Variants in PRKCI observed in about 807,000 individuals in gnomAD.
PRKCI encodes the protein protein kinase C iota type.
In PRKCI, 43 loss-of-function variants were observed where a neutral mutation model predicts 84.0. The observed-to-expected ratio is 0.51, with a 90% CI of 0.40 to 0.66. The LOEUF (loss-of-function observed/expected upper bound fraction) is 0.66. Ranked by LOEUF, PRKCI falls within the 30% of genes least tolerant of loss-of-function variation. PRKCI has a pLI of 0.00. For synonymous variants in PRKCI, 216 were observed against 234.4 expected (o/e 0.92, Z 0.72); for missense variants, 459 against 745.6 (o/e 0.62, Z 4.48).
intron 2 of PRKCI, among the ~76,000 whole-genome samples, chr3:170,237,816 A>T (rs181210560): frequency 3.7e-4 from 56 of 152,348 alleles, no homozygotes; most frequent in Admixed American, 3.2e-3. Flanking sequence ...TATGAAATGT[A>T]AAAAGAAGCC....
At chr3:170,230,940 T>G (rs1440239982) in intron 1 of PRKCI, among the ~76,000 whole-genome samples, 1 of 151,656 alleles carries the variant, frequency 6.6e-6, no homozygotes, top group Non-Finnish European at 1.5e-5. Flanking sequence ...ATGGCTTGAT[T>G]CATTATTTAA....
intron 15 of PRKCI, among the ~76,000 whole-genome samples, chr3:170,296,982 T>C (rs1469902379): frequency 6.6e-6 from 1 of 152,178 alleles, no homozygotes; most frequent in Non-Finnish European, 1.5e-5. Flanking sequence ...ATGTTTTGAC[T>C]CTCACACTAG....
chr3:170,239,888 T>C (rs1029232967), intron 2 of PRKCI, among the ~76,000 whole-genome samples: 18 of 152,226 alleles, frequency 1.2e-4, no homozygotes, highest in African/African-American at 4.1e-4. Context: ...TGGCTCATGC[T>C]TGTAATCCCA....
chr3:170,285,358 C>A (rs999631828), intron 12 of PRKCI, among the ~76,000 whole-genome samples: 9 of 152,102 alleles, frequency 5.9e-5, no homozygotes, highest in Non-Finnish European at 7.4e-5. Flanking sequence ...GGATTACAGG[C>A]GTGAGCCATC....
intron 4 of PRKCI, among the ~76,000 whole-genome samples, chr3:170,267,427 A>T (rs1031306288): frequency 9.9e-5 from 15 of 152,064 alleles, no homozygotes; most frequent in Non-Finnish European, 1.9e-4. Context: ...TAATCCCAGC[A>T]CTATGGGAGG....
At chr3:170,263,168 C>T (rs1244161340) in intron 3 of PRKCI, among the ~76,000 whole-genome samples, 1 of 142,598 alleles carries the variant, frequency 7.0e-6, no homozygotes, top group Non-Finnish European at 1.5e-5. Context: ...AACTCTGTCT[C>T]AAAAAAAAAA....
At chr3:170,278,335 T>C (rs563866152) in intron 8 of PRKCI, among the ~76,000 whole-genome samples, 34 of 152,312 alleles carry the variant, frequency 2.2e-4, no homozygotes, top group Admixed American at 1.4e-3. Context: ...TATTTACCCT[T>C]GTGTGTTAGT....
intron 1 of PRKCI, among the ~76,000 whole-genome samples, chr3:170,233,603 A>G (rs1387786598): frequency 6.6e-6 from 1 of 152,222 alleles, no homozygotes; most frequent in Non-Finnish European, 1.5e-5. Flanking sequence ...GTGGTTTCGC[A>G]ATTACTGAGA....
chr3:170,300,583 CAAAAA>C (rs569208737), intron 17 of PRKCI, among the ~76,000 whole-genome samples: 1 of 132,450 alleles, frequency 7.6e-6, no homozygotes, highest in Non-Finnish European at 1.6e-5. Flanking sequence ...CTTAAAGCCT[CAAAAA>C]AAAAAAAGTT....
intron 13 of PRKCI, among the ~76,000 whole-genome samples, chr3:170,292,234 A>C (rs74884470): frequency 0.017 from 2,618 of 152,270 alleles, 46 homozygotes; most frequent in East Asian, 0.084. Context: ...TCCTCTTAAC[A>C]ACCCTGTGAG....
At chr3:170,275,789 C>T (rs905558101) in intron 8 of PRKCI, among the ~76,000 whole-genome samples, 6 of 152,084 alleles carry the variant, frequency 3.9e-5, no homozygotes, top group Admixed American at 1.3e-4. Context: ...ACCTTCCACT[C>T]CCAGTTTGGC....
At chr3:170,297,417 CTA>C in intron 16 of PRKCI, 24 bp downstream of exon 16, 1 of 1,560,872 alleles carries the variant, frequency 6.4e-7, no homozygotes, top group Non-Finnish European at 8.8e-7. Context: ...GATTACTCAA[CTA>C]TTAGGTTTCA....
intron 13 of PRKCI, among the ~76,000 whole-genome samples, chr3:170,292,262 T>A (rs749078160): frequency 5.9e-5 from 9 of 152,218 alleles, no homozygotes; most frequent in Non-Finnish European, 1.3e-4. Flanking sequence ...CTATTAATTC[T>A]CCTTTTACAG....
chr3:170,267,832 G>A, intron 4 of PRKCI, 83 bp from the exon 5 acceptor site: 2 of 1,026,862 alleles, frequency 1.9e-6, no homozygotes, highest in Non-Finnish European at 2.7e-6. Flanking sequence ...TGAGTATCAT[G>A]AAAAAATTAC....
At chr3:170,273,506 A>C (rs1031918278) in intron 7 of PRKCI, among the ~76,000 whole-genome samples, 166 bp downstream of exon 7, 5 of 152,210 alleles carry the variant, frequency 3.3e-5, no homozygotes, top group Non-Finnish European at 7.3e-5. Context: ...TAACATACAC[A>C]TTTGGCATTT....
chr3:170,296,350 C>A (rs1734685284), intron 15 of PRKCI, among the ~76,000 whole-genome samples: 1 of 152,204 alleles, frequency 6.6e-6, no homozygotes, highest in African/African-American at 2.4e-5. Context: ...TCCATAGAAT[C>A]TATTTATTAC....
intron 1 of PRKCI, among the ~76,000 whole-genome samples, chr3:170,223,503 C>T (rs907971356): frequency 6.6e-6 from 1 of 152,164 alleles, no homozygotes; most frequent in Non-Finnish European, 1.5e-5. Context: ...ATTCTCTGAT[C>T]TTCACTCCCT....
At chr3:170,253,324 C>G (rs1733500505) in intron 2 of PRKCI, among the ~76,000 whole-genome samples, 1 of 152,138 alleles carries the variant, frequency 6.6e-6, no homozygotes, top group Admixed American at 6.5e-5. Flanking sequence ...TGAGGGTTCC[C>G]TTTTCTGCAT....
At position 170,265,674 on chromosome 3, in the gene PRKCI, G is replaced by T. The variant is rs2108851320; in HGVS notation, c.365-2241G>T. The stretch of plus-strand genomic sequence containing the variant: ...CTGTCGCCCAGGCTGGAGTGCAGTG[G>T]CGAGAACTCGGCTGACTGCAAGCTC... On this transcript the variant is annotated intron_variant, in intron 4 of 17. Transcript: ENST00000295797. Among the ~76,000 whole-genome samples, 3 of 151,570 alleles carry T rather than the reference G, an allele frequency of 2.0e-5. No homozygotes were observed. In the South Asian group the frequency reaches 6.3e-4, roughly 32 times the overall value.
Sources: allele counts gnomAD v4.1 joint callset (sites outside exome capture counted in the v4.1 genomes callset), GRCh38; gene constraint gnomAD v4.1.1; transcripts MANE v1.5; gene names NCBI Gene and HGNC (gene_info 2026-07-23, HGNC 2026-07-21).